The following ATG16L1 variants were observed in gnomAD, a reference collection of about 807,000 sequenced individuals.
ATG16L1 encodes autophagy-related protein 16-1.
A neutral mutation model predicts 88.5 loss-of-function variants in ATG16L1; 37 were observed. That is an observed-to-expected ratio of 0.42 (90% CI 0.32 to 0.55). ATG16L1 has a LOEUF of 0.55. ATG16L1 is among the 20% of genes least tolerant of loss of function. ATG16L1 has a pLI of 0.13. For synonymous variants in ATG16L1, 301 were observed against 281.0 expected (o/e 1.07, Z -0.71); for missense variants, 554 against 752.8 (o/e 0.74, Z 3.09).
chr2:233,289,069 G>A, intron 12 of ATG16L1: 1 of 388,926 alleles, frequency 2.6e-6, no homozygotes, highest in South Asian at 2.0e-5. Context: ...TCAGCAGCAT[G>A]GCGCAACATC....
At chr2:233,274,601 A>T in intron 8 of ATG16L1, 75 bp from the exon 9 acceptor site, 1 of 1,143,538 alleles carries the variant, frequency 8.7e-7, no homozygotes, top group Non-Finnish European at 1.3e-6. Flanking sequence ...GTCGTCTTGG[A>T]GTCCTTTCTA....
intron 14 of ATG16L1, 88 bp downstream of exon 14, chr2:233,290,441 A>G (rs147487865): frequency 6.5e-6 from 7 of 1,073,930 alleles, no homozygotes; most frequent in Non-Finnish European, 1.0e-5. Flanking sequence ...AGATCTCAGG[A>G]CATGGCAGAA....
At chr2:233,282,588 C>T (rs1559404698) in intron 11 of ATG16L1, 94 bp from the exon 12 acceptor site, 1 of 1,145,042 alleles carries the variant, frequency 8.7e-7, no homozygotes, top group Non-Finnish European at 1.3e-6. Flanking sequence ...GCATCTAAAC[C>T]TTCTTGTACT....
chr2:233,295,403 T>G lies in ATG16L1; in HGVS notation c.*1053T>G, dbSNP rs542817447. ...TTAAATTTGCACTTTATTTTTTTTC[T>G]TCCATGCTTGTTCTCTGGACATTTG... On this transcript the variant is annotated 3_prime_UTR_variant, in exon 18 of 18. Transcript: ENST00000392017. 2.0e-5 allele frequency: 3 copies of G among 152,960 alleles called. No individual in the cohort carries two copies. The highest frequency in any genetic ancestry group is 7.2e-5 in the African/African-American group (3 of 41,586). The allele number at this position is 152,960 out of a possible 1,614,324, so 9.5% of individuals were successfully genotyped here.
At chr2:233,253,083 GTGTT>G (rs760714469) in intron 1 of ATG16L1, among the ~76,000 whole-genome samples, 18 of 152,122 alleles carry the variant, frequency 1.2e-4, no homozygotes, top group Non-Finnish European at 1.8e-4. Flanking sequence ...CAGTGTGTGT[GTGTT>G]TGTGTTTGTG....
chr2:233,275,577 G>A, intron 9 of ATG16L1: 1 of 399,970 alleles, frequency 2.5e-6, no homozygotes, highest in South Asian at 1.9e-5. Context: ...GACTTAGCTA[G>A]TTACACAGTG....
chr2:233,292,556 G>A (rs1242797836), intron 16 of ATG16L1, 122 bp downstream of exon 16: 3 of 1,215,758 alleles, frequency 2.5e-6, no homozygotes, highest in Non-Finnish European at 2.4e-6. Context: ...CCAGGAGTGT[G>A]CCTGTAAGTT....
At chr2:233,254,307 C>G (rs1484425499) in intron 1 of ATG16L1, among the ~76,000 whole-genome samples, 1 of 152,164 alleles carries the variant, frequency 6.6e-6, no homozygotes, top group Non-Finnish European at 1.5e-5. Context: ...TAACAAGAGG[C>G]AGGAGAGTGA....
chr2:233,290,397 A>AGT, intron 14 of ATG16L1, 44 bp downstream of exon 14: 3 of 1,459,284 alleles, frequency 2.1e-6, no homozygotes, highest in African/African-American at 1.4e-5. Context: ...AAGAGTCTCC[A>AGT]CAGTAATGGT....
intron 9 of ATG16L1, chr2:233,275,702 C>G (rs1698302013): frequency 1.9e-6 from 1 of 516,078 alleles, no homozygotes; most frequent in African/African-American, 1.9e-5. Flanking sequence ...TCCTGTGATT[C>G]CATGATGCAC....
chr2:233,269,790 C>G (rs965161870), intron 5 of ATG16L1, among the ~76,000 whole-genome samples: 1 of 152,196 alleles, frequency 6.6e-6, no homozygotes, highest in Non-Finnish European at 1.5e-5. Context: ...TGGCCTATCT[C>G]TCTTCTAGGC....
chr2:233,272,600 C>T (rs1171777260), intron 6 of ATG16L1, among the ~76,000 whole-genome samples: 1 of 152,134 alleles, frequency 6.6e-6, no homozygotes, highest in African/African-American at 2.4e-5. Flanking sequence ...GTACTGCAGC[C>T]CTTCAACAGT....
chr2:233,286,461 T>A (rs1454715732), intron 12 of ATG16L1, among the ~76,000 whole-genome samples: 2 of 152,064 alleles, frequency 1.3e-5, no homozygotes, highest in Non-Finnish European at 2.9e-5. Flanking sequence ...GATAGAAGAA[T>A]TTTAAATCTG....
Position 233,273,779 on chromosome 2 carries a change from T to G in ATG16L1, c.851+2T>G. 1 of 1,614,014 alleles carries G rather than the reference T, an allele frequency of 6.2e-7. No homozygotes were observed. The highest frequency in any genetic ancestry group is 8.5e-7 in the Non-Finnish European group (1 of 1,179,858). The stretch of plus-strand genomic sequence containing the variant: ...GGATTCTATCACTAATATCTTTGGG[T>G]AGGTTAGAAGACCTTTCCTTTTTAA... On this transcript the variant is annotated splice_donor_variant, in intron 8 of 17. Coordinates refer to ENST00000392017, the MANE Select transcript of ATG16L1 (RefSeq NM_030803.7). LOFTEE classifies it high-confidence loss of function.
intron 8 of ATG16L1, 171 bp downstream of exon 8, chr2:233,273,948 C>G: frequency 6.5e-7 from 1 of 1,547,014 alleles, no homozygotes; most frequent in Non-Finnish European, 8.7e-7. Context: ...ACTTCCTTTC[C>G]TCTTAATCTC....
In ATG16L1 at chr2:233,294,352, G is replaced by T; in HGVS notation, c.*2G>T. On this transcript the variant is annotated 3_prime_UTR_variant, in exon 18 of 18. Coordinates refer to ENST00000392017, the MANE Select transcript of ATG16L1 (RefSeq NM_030803.7). ...GCTGTGCTGTGGGCACAGTACTGAC[G>T]GGGCTCTCAGGGCTGGGAGGACCCC... The T allele has an allele frequency of 6.2e-7, 1 of 1,612,776 alleles. No individual in the cohort carries two copies. The highest frequency in any genetic ancestry group is 8.5e-7 in the Non-Finnish European group (1 of 1,179,396).
At chr2:233,264,610 T>C (rs1169475006) in intron 4 of ATG16L1, among the ~76,000 whole-genome samples, 1 of 152,174 alleles carries the variant, frequency 6.6e-6, no homozygotes, top group East Asian at 1.9e-4. Context: ...ATGTCAGAGC[T>C]GGTGAAATAT....
intron 10 of ATG16L1, among the ~76,000 whole-genome samples, chr2:233,278,445 G>T (rs1035400128): frequency 5.9e-5 from 9 of 152,150 alleles, no homozygotes; most frequent in African/African-American, 2.2e-4. Flanking sequence ...TATCCCTGTC[G>T]AGCAATAAAT....
intron 2 of ATG16L1, 90 bp downstream of exon 2, chr2:233,256,285 A>G: frequency 9.0e-7 from 1 of 1,105,870 alleles, no homozygotes; most frequent in Non-Finnish European, 1.3e-6. Flanking sequence ...AAAGCAAATC[A>G]AGTACTATTT....
Sources: gnomAD v4.1 joint callset for allele counts (sites outside exome capture counted in the v4.1 genomes callset) on GRCh38, gnomAD v4.1.1 for gene constraint, MANE v1.5 for transcripts, NCBI Gene and HGNC (gene_info 2026-07-23, HGNC 2026-07-21) for gene names.